The following ITPR3 variants were observed in gnomAD, a reference collection of about 807,000 sequenced individuals.
ITPR3 encodes inositol 1,4,5-trisphosphate-gated calcium channel ITPR3.
A neutral mutation model predicts 293.2 loss-of-function variants in ITPR3; 173 were observed. The observed-to-expected ratio is 0.59, with a 90% CI of 0.52 to 0.67. The LOEUF (loss-of-function observed/expected upper bound fraction) is 0.67. Ranked by LOEUF, ITPR3 falls within the 30% of genes least tolerant of loss-of-function variation. The pLI is 0.00. For synonymous variants in ITPR3, 1,295 were observed against 1,444.4 expected, an observed-to-expected ratio of 0.90 and a Z score of 2.35; for missense variants, 2,796 against 3,592.1, an observed-to-expected ratio of 0.78 and a Z score of 5.66.
At chr6:33,686,849 A>G (rs1444510108) in intron 43 of ITPR3, among the ~76,000 whole-genome samples, 160 bp from the exon 44 acceptor site, 1 of 152,136 alleles carries the variant, frequency 6.6e-6, no homozygotes, top group Non-Finnish European at 1.5e-5. Flanking sequence ...CTGGCTGTGC[A>G]GGATGCTTCT....
At chr6:33,630,128 G>A (rs944409116) in intron 1 of ITPR3, among the ~76,000 whole-genome samples, 10 of 152,054 alleles carry the variant, frequency 6.6e-5, no homozygotes, top group Admixed American at 5.9e-4. Flanking sequence ...CAAGGTACTC[G>A]TGTTACATTT....
Position 33,695,314 on chromosome 6 carries a change from G to T in ITPR3, c.7947+229G>T, listed in dbSNP as rs1001413536. On this transcript the variant is annotated intron_variant, in intron 57 of 57. Transcript: ENST00000605930. ...GGCCAAGTGGAAACTTTAGTACAGG[G>T]TGGTGGGGCCCTCTGTCTCTCATCC... 6.8e-6 allele frequency: 4 copies of T among 583,976 alleles called. No individual in the cohort carries two copies. The Admixed American group carries it at 1.2e-4, about 18-fold the overall frequency. 36.2% of individuals were successfully genotyped at this position (583,976 alleles called of 1,614,324 possible).
chr6:33,687,080 C>T lies in ITPR3; in HGVS notation c.6051C>T (p.Leu2017=). ...RHDSENAERI[L]ISLRPQELVD... Reference sequence around the variant, plus strand: ...ACAGTGAAAATGCTGAGCGAATCCTCATCAGCCTGCGGCCCCAGGAGCTGG... The same window carrying T: ...ACAGTGAAAATGCTGAGCGAATCCTTATCAGCCTGCGGCCCCAGGAGCTGG... Residue 2017 remains leucine, a synonymous_variant, in exon 44 of 58, where the codon CTC becomes CTT. Transcript: ENST00000605930. This position sits in a 1 kb window ranked among gnomAD's most constrained non-coding sequence, Gnocchi z 5.3. 6.2e-7 allele frequency: 1 copy of T among 1,614,034 alleles called. No homozygotes were observed. The highest frequency in any genetic ancestry group is 1.1e-5 in the South Asian group (1 of 91,076).
chr6:33,657,889 C>T, intron 3 of ITPR3, 43 bp from the exon 4 acceptor site: 1 of 1,567,010 alleles, frequency 6.4e-7, no homozygotes. Context: ...CCTCTAGGAG[C>T]AGCTTCTGAG....
chr6:33,661,505 A>T (rs944884526), intron 7 of ITPR3, among the ~76,000 whole-genome samples: 2 of 152,230 alleles, frequency 1.3e-5, no homozygotes, highest in African/African-American at 4.8e-5. Flanking sequence ...CAGAGGGTTG[A>T]TGTGAGGATC....
At chr6:33,659,226 C>T (rs1764393648) in intron 6 of ITPR3, 107 bp downstream of exon 6, 1 of 1,110,332 alleles carries the variant, frequency 9.0e-7, no homozygotes, top group Non-Finnish European at 1.3e-6. Context: ...CCCATCTGAC[C>T]TGCCGGACAA....
Position 33,679,772 on chromosome 6 carries a change from A to T in ITPR3, c.3973-110A>T. 2.2e-6 allele frequency: 3 copies of T among 1,366,636 alleles called. No homozygotes were observed. Among genetic ancestry groups the T allele is most frequent in the Admixed American group, 2.5e-5 (1 of 40,224 alleles). The allele number at this position is 1,366,636 out of a possible 1,614,324, so 84.7% of individuals were successfully genotyped here. ...GCCAGGGGAGGGTTTTCCTGATTTCAGGTAAGGGCTGTGGTCAGAGTCCCA... is the reference window on the plus strand; with the variant it reads ...GCCAGGGGAGGGTTTTCCTGATTTCTGGTAAGGGCTGTGGTCAGAGTCCCA... On this transcript the variant is annotated intron_variant, in intron 30 of 57. Coordinates refer to ENST00000605930, the MANE Select transcript of ITPR3 (RefSeq NM_002224.4). The surrounding 1 kb of genome is among the most constrained non-coding windows in gnomAD (Gnocchi z 4.2).
chr6:33,667,306 G>A lies in ITPR3; in HGVS notation c.1713+16G>A, dbSNP rs148959465. 4 of 1,608,432 alleles carry A rather than the reference G, an allele frequency of 2.5e-6. No individual in the cohort carries two copies. The African/African-American group carries it at 4.0e-5, about 16-fold the overall frequency. On this transcript the variant is annotated intron_variant, in intron 15 of 57. Transcript: ENST00000605930. The surrounding 1 kb of genome is among the most constrained non-coding windows in gnomAD (Gnocchi z 4.4). ...CAAGAACCAGGTGCGCCGCTGCCCT[G>A]CTGGCCCACTCGCTGGCTGCACGTT...
At chr6:33,693,348 C>T (rs544810199) in intron 55 of ITPR3, among the ~76,000 whole-genome samples, 197 bp from the exon 56 acceptor site, 4 of 152,158 alleles carry the variant, frequency 2.6e-5, no homozygotes, top group Non-Finnish European at 4.4e-5. Flanking sequence ...AGGGCTGCAG[C>T]TGCGGCAGGG....
In ITPR3 at chr6:33,659,058, A is replaced by G. The variant is rs759675396; in HGVS notation, c.566A>G (p.Asn189Ser). 3.1e-6 allele frequency: 5 copies of G among 1,613,992 alleles called. No homozygotes were observed. The Admixed American group carries it at 5.0e-5, about 16-fold the overall frequency. ...VGDKVILNPV[N>S]AGQPLHASNY... ...GACAAGGTGATCCTGAATCCTGTCA[A>G]TGCCGGGCAGCCTCTGCATGCCAGC... The change falls in exon 6 of 58, where the codon AAT (asparagine) becomes AGT (serine). Residue 189 changes from asparagine (N) to serine (S), a missense_variant. Physicochemically the swap from Asn to Ser is conservative, Grantham distance 46. Transcript: ENST00000605930.
chr6:33,630,765 C>T (rs568075531), intron 1 of ITPR3, among the ~76,000 whole-genome samples: 36 of 152,282 alleles, frequency 2.4e-4, no homozygotes, highest in African/African-American at 8.4e-4. Flanking sequence ...GGGTTCTCTG[C>T]GTGTGCGGCT....
chr6:33,692,656 A>G lies in ITPR3; in HGVS notation c.7459-72A>G. On this transcript the variant is annotated intron_variant, in intron 54 of 57. Transcript: ENST00000605930. This position sits in a 1 kb window ranked among gnomAD's most constrained non-coding sequence, Gnocchi z 4.2. Reference sequence around the variant, plus strand: ...TCCTCAATATCACAGCCCTGGCCCCAACCTGAGTCCTATCTTGCCCCAGTG... The same window carrying G: ...TCCTCAATATCACAGCCCTGGCCCCGACCTGAGTCCTATCTTGCCCCAGTG... The G allele has an allele frequency of 6.7e-7, 1 of 1,496,892 alleles. No individual in the cohort carries two copies. The highest frequency in any genetic ancestry group is 9.2e-7 in the Non-Finnish European group (1 of 1,089,220). 92.7% of individuals were successfully genotyped at this position (1,496,892 alleles called of 1,614,324 possible). A position where few individuals can be genotyped will look rare whatever the true frequency, so the allele number is the denominator to read the frequency against.
rs1225633548 is a variant in ITPR3, at chr6:33,674,245, G to A, written c.3096G>A (p.Ala1032=). 2.2e-5 allele frequency: 36 copies of A among 1,614,080 alleles called. No individual in the cohort carries two copies. The highest frequency in any genetic ancestry group is 3.0e-5 in the Non-Finnish European group (35 of 1,179,980). The change falls in exon 24 of 58, where the codon GCG becomes GCA. Residue 1032 remains alanine (A), a synonymous_variant. Transcript: ENST00000605930. Reference sequence around the variant, plus strand: ...ACCTGGATCGCATCGGGGAGCAGGCGGAGGCCATGTTTGGAGTGGGGTGAG... The same window carrying A: ...ACCTGGATCGCATCGGGGAGCAGGCAGAGGCCATGTTTGGAGTGGGGTGAG... The part of the protein sequence containing the change: ...NMNLDRIGEQ[A]EAMFGVGKTS...
In ITPR3 at chr6:33,665,920, A is replaced by G. The variant is rs1764597262; in HGVS notation, c.1495A>G (p.Thr499Ala). The stretch of plus-strand genomic sequence containing the variant: ...GCAGAATGTCCTGGACATCATGGTC[A>G]CTAAGCCCAACCGGGAACGGCAGAA... ...NGQNVLDIMV[T>A]KPNRERQKLM... Residue 499 changes from threonine (T) to alanine (A), a missense_variant, in exon 14 of 58, where the codon ACT becomes GCT. Transcript: ENST00000605930. 1 of 1,614,066 alleles carries G rather than the reference A, an allele frequency of 6.2e-7. No individual in the cohort carries two copies. The highest frequency in any genetic ancestry group is 1.3e-5 in the African/African-American group (1 of 74,942).
intron 7 of ITPR3, among the ~76,000 whole-genome samples, chr6:33,660,231 A>G (rs1327054962): frequency 1.3e-5 from 2 of 152,078 alleles, no homozygotes; most frequent in African/African-American, 2.4e-5. Context: ...GGGAGGGCAG[A>G]TCTGTAGAGT....
chr6:33,641,554 G>C (rs1003906204), intron 2 of ITPR3, among the ~76,000 whole-genome samples: 1 of 152,126 alleles, frequency 6.6e-6, no homozygotes, highest in African/African-American at 2.4e-5. Context: ...TCTGAGTGAG[G>C]GTTTTGGCTG....
chr6:33,684,513 C>T lies in ITPR3; in HGVS notation c.5046+48C>T, dbSNP rs374726035. On this transcript the variant is annotated intron_variant, in intron 37 of 57. Coordinates refer to ENST00000605930, the MANE Select transcript of ITPR3 (RefSeq NM_002224.4). This position sits in a 1 kb window ranked among gnomAD's most constrained non-coding sequence, Gnocchi z 4.2. ...TGCTGGGTGGGCCAGTCAGGAGTAC[C>T]CAGGGGCTCAGGGTCAAGCCCGTCA... The T allele has an allele frequency of 6.2e-7, 1 of 1,605,840 alleles. No individual in the cohort carries two copies. Among genetic ancestry groups the T allele is most frequent in the African/African-American group, 1.3e-5 (1 of 74,846 alleles).
rs898603061 is a variant in ITPR3 at position 33,691,036 on chromosome 6, C to T, written c.7152C>T (p.Ser2384=). ...CCCTCATCCTGGTCTACCTCTTCTC[C>T]ATCGTCGGCTTCCTCTTCCTCAAGG... ...LLALILVYLF[S]IVGFLFLKDD... The change falls in exon 52 of 58, where the codon TCC becomes TCT. Residue 2384 remains serine, a synonymous_variant. Transcript: ENST00000605930. The surrounding 1 kb of genome is among the most constrained non-coding windows in gnomAD (Gnocchi z 4.9). The T allele has an allele frequency of 6.2e-7, 1 of 1,614,104 alleles. No homozygotes were observed. Among genetic ancestry groups the T allele is most frequent in the Non-Finnish European group, 8.5e-7 (1 of 1,180,050 alleles).
At position 33,640,430 on chromosome 6, in the gene ITPR3, A is replaced by G. The variant is rs573070602; in HGVS notation, c.90-54A>G. ...CATCCCCTGCTCTAAGGGAAGGGAT[A>G]CTGTGGGAGATAGGTCTCTTCTCTC... On this transcript the variant is annotated intron_variant, in intron 1 of 57. Coordinates refer to ENST00000605930, the MANE Select transcript of ITPR3 (RefSeq NM_002224.4). The G allele has an allele frequency of 6.4e-5, 98 of 1,538,836 alleles. No individual in the cohort carries two copies. In the African/African-American group the frequency reaches 1.3e-3, roughly 20 times the overall value.
Sources: gnomAD v4.1 joint callset for allele counts (sites outside exome capture counted in the v4.1 genomes callset) on GRCh38, gnomAD v4.1.1 for gene constraint, Gnocchi (gnomAD v3.1) non-coding constraint, MANE v1.5 for transcripts, NCBI Gene and HGNC (gene_info 2026-07-23, HGNC 2026-07-21) for gene names.